The following RGS16 variants were observed in gnomAD, a reference collection of about 807,000 sequenced individuals.
RGS16 encodes regulator of G protein signaling 16.
RGS16 carries 12 observed loss-of-function variants against 18.1 expected under a neutral mutation model. The observed-to-expected ratio is 0.66, with a 90% CI of 0.42 to 1.07. The LOEUF is 1.07. Ranked by LOEUF, RGS16 falls within the 50% of genes least tolerant of loss-of-function variation. The probability of loss-of-function intolerance (pLI) is 0.00; values close to 1 mark genes in which losing one functional copy is unlikely to be tolerated. For synonymous variants in RGS16, 88 were observed against 102.0 expected, an observed-to-expected ratio of 0.86 and a Z score of 0.83; for missense variants, 238 against 249.2, an observed-to-expected ratio of 0.95 and a Z score of 0.30.
chr1:182,602,982 T>G (rs1349853633), intron 2 of RGS16, among the ~76,000 whole-genome samples: 2 of 152,342 alleles, frequency 1.3e-5, no homozygotes, highest in East Asian at 1.9e-4. Flanking sequence ...TGGGAGAGTC[T>G]GGGAACTAGG....
Position 182,598,891 on chromosome 1 carries a change from A to G in RGS16, c.*1401T>C, listed in dbSNP as rs1013899321. 1 of 152,666 alleles carries G rather than the reference A, an allele frequency of 6.6e-6. No homozygotes were observed. Among genetic ancestry groups the G allele is most frequent in the Non-Finnish European group, 1.5e-5 (1 of 68,060 alleles). 9.5% of individuals were successfully genotyped at this position (152,666 alleles called of 1,614,324 possible). On this transcript the variant is annotated 3_prime_UTR_variant, in exon 5 of 5. Transcript: ENST00000367558. ...TGAAATTACAATAATAAATAACAAC[A>G]GCACCAACAATAACAAAAACAATGT...
rs61731098 is a variant in RGS16, at chr1:182,600,310, G to T, written c.591C>A (p.Asp197Glu). The change falls in exon 5 of 5, where the codon GAC becomes GAA. Residue 197 changes from aspartate to glutamate, a missense_variant. By Grantham distance (45) the Asp-to-Glu change is conservative. Coordinates refer to ENST00000367558, the MANE Select transcript of RGS16 (RefSeq NM_002928.4). ...ASATLSSCSL[D>E]EPSHT ...TGGAGACTCAGGTGTGTGAGGGCTC[G>T]TCCAGGCTGCAGCTGGACAGAGTGG... 6.2e-6 allele frequency: 10 copies of T among 1,613,756 alleles called. No individual in the cohort carries two copies. Among genetic ancestry groups the T allele is most frequent in the Non-Finnish European group, 7.6e-6 (9 of 1,179,990 alleles).
chr1:182,603,287 C>G lies in RGS16; in HGVS notation c.97G>C (p.Gly33Arg). 1.2e-6 allele frequency: 2 copies of G among 1,614,156 alleles called. No individual in the cohort carries two copies. Among genetic ancestry groups the G allele is most frequent in the African/African-American group, 1.3e-5 (1 of 75,046 alleles). ...LGIFLHKSELGCDTGSTGKFE... is the reference protein window; with the variant it reads ...LGIFLHKSELRCDTGSTGKFE... ...TTGCCAGTACTCCCAGTATCGCAGC[C>G]CAGCTCTGATTTGTGAAGAAAGATC... Residue 33 changes from glycine (G) to arginine (R), a missense_variant, in exon 2 of 5, where the codon GGC becomes CGC. By Grantham distance (125) the Gly-to-Arg change is moderately radical (BLOSUM62 -2). Transcript: ENST00000367558.
At chr1:182,603,549 G>C (rs1035972580) in intron 1 of RGS16, among the ~76,000 whole-genome samples, 1 of 152,152 alleles carries the variant, frequency 6.6e-6, no homozygotes, top group African/African-American at 2.4e-5. Flanking sequence ...GAGCTATGCT[G>C]TGGTAGGTCT....
At chr1:182,603,389 G>A (rs1661899686) in intron 1 of RGS16, 50 bp from the exon 2 acceptor site, 1 of 1,488,286 alleles carries the variant, frequency 6.7e-7, no homozygotes, top group Non-Finnish European at 9.4e-7. Context: ...TGCTCAGCCA[G>A]TGTGGAGAGG....
chr1:182,602,330 G>T, intron 3 of RGS16, 90 bp downstream of exon 3: 1 of 1,189,678 alleles, frequency 8.4e-7, no homozygotes, highest in Non-Finnish European at 1.2e-6. Flanking sequence ...CTATTATTCT[G>T]CCCAGGCTCT....
chr1:182,602,533 C>T lies in RGS16; in HGVS notation c.156-49G>A, dbSNP rs762706076. 4.8e-6 allele frequency: 7 copies of T among 1,454,462 alleles called. No individual in the cohort carries two copies. The South Asian group carries it at 7.1e-5, about 15-fold the overall frequency. 90.1% of individuals were successfully genotyped at this position (1,454,462 alleles called of 1,614,324 possible). On this transcript the variant is annotated intron_variant, in intron 2 of 4. Transcript: ENST00000367558. ...AGAGTAAGAAAAAAAATCAACAAAC[C>T]AAAGCATAGTACAAATTCTAGCCAG... is the stretch of plus-strand genomic sequence containing the variant.
chr1:182,602,586 C>A, intron 2 of RGS16, 102 bp from the exon 3 acceptor site: 1 of 958,026 alleles, frequency 1.0e-6, no homozygotes, highest in Non-Finnish European at 1.6e-6. Context: ...GCATAAAATT[C>A]ACAGAAAGGC....
intron 4 of RGS16, among the ~76,000 whole-genome samples, chr1:182,601,279 C>G (rs566950609): frequency 6.6e-6 from 1 of 152,178 alleles, no homozygotes; most frequent in Non-Finnish European, 1.5e-5. Flanking sequence ...CATAGCTCAT[C>G]ACCTGGCATA....
At chr1:182,602,669 A>C (rs1224806187) in intron 2 of RGS16, among the ~76,000 whole-genome samples, 185 bp from the exon 3 acceptor site, 1 of 152,178 alleles carries the variant, frequency 6.6e-6, no homozygotes, top group Non-Finnish European at 1.5e-5. Flanking sequence ...TGCTTTCTAG[A>C]GCACAATTCA....
chr1:182,599,968 T>G lies in RGS16; in HGVS notation c.*324A>C. The G allele has an allele frequency of 2.6e-6, 1 of 382,454 alleles. No individual in the cohort carries two copies. Among genetic ancestry groups the G allele is most frequent in the Non-Finnish European group, 4.8e-6 (1 of 208,436 alleles). The allele number at this position is 382,454 out of a possible 1,614,324, so 23.7% of individuals were successfully genotyped here. On this transcript the variant is annotated 3_prime_UTR_variant, in exon 5 of 5. Coordinates refer to ENST00000367558, the MANE Select transcript of RGS16 (RefSeq NM_002928.4). ...TGTTTCCTAAACCACACTAGAACAC[T>G]TCCTTCTCCGGTGAGAACGAGAGCC...
chr1:182,603,397 A>G, intron 1 of RGS16, 58 bp from the exon 2 acceptor site: 1 of 1,430,820 alleles, frequency 7.0e-7, no homozygotes, highest in Non-Finnish European at 9.9e-7. Context: ...CAGTGTGGAG[A>G]GGTTTATGGG....
rs1571280396 is a variant in RGS16 at position 182,604,361 on chromosome 1, A to G, written c.-102T>C. 9 of 1,244,384 alleles carry G rather than the reference A, an allele frequency of 7.2e-6. No homozygotes were observed. Among genetic ancestry groups the G allele is most frequent in the East Asian group, 5.4e-5 (2 of 36,894 alleles). The allele number at this position is 1,244,384 out of a possible 1,614,324, so 77.1% of individuals were successfully genotyped here. The stretch of plus-strand genomic sequence containing the variant: ...AAGGCGCGGTAGCAGGTGCTAGTCA[A>G]CTGCGGTTGGGTTTAGCAGCCTGCA... On this transcript the variant is annotated 5_prime_UTR_variant, in exon 1 of 5. Transcript: ENST00000367558.
chr1:182,602,125 C>A lies in RGS16; in HGVS notation c.228G>T (p.Val76=), dbSNP rs1356489900. Residue 76 remains valine (V), a synonymous_variant, in exon 4 of 5, where the codon GTG becomes GTT. Coordinates refer to ENST00000367558, the MANE Select transcript of RGS16 (RefSeq NM_002928.4). ...TCTTCAGGAAAGCGTGGAAGGCAGC[C>A]ACTCCATCTGGGGTTGCGGGAAAGA... ...FDLLLSSKNG[V]AAFHAFLKTE... 6.2e-6 allele frequency: 10 copies of A among 1,614,004 alleles called. No individual in the cohort carries two copies. Among genetic ancestry groups the A allele is most frequent in the Non-Finnish European group, 8.5e-6 (10 of 1,180,038 alleles).
At position 182,599,504 on chromosome 1, in the gene RGS16, G is replaced by A. The variant is rs1364498676; in HGVS notation, c.*788C>T. Reference sequence around the variant, plus strand: ...CACATCCAGGAAGAGGCCCCAGGGCGGGCCTGCTCACAGGTGGACCCTGCT... The same window carrying A: ...CACATCCAGGAAGAGGCCCCAGGGCAGGCCTGCTCACAGGTGGACCCTGCT... On this transcript the variant is annotated 3_prime_UTR_variant, in exon 5 of 5. Coordinates refer to ENST00000367558, the MANE Select transcript of RGS16 (RefSeq NM_002928.4). 5 of 152,732 alleles carry A rather than the reference G, an allele frequency of 3.3e-5. No homozygotes were observed. The highest frequency in any genetic ancestry group is 4.1e-4 in the South Asian group (2 of 4,836). 9.5% of individuals were successfully genotyped at this position (152,732 alleles called of 1,614,324 possible).
chr1:182,600,851 A>AC (rs139690673), intron 4 of RGS16, among the ~76,000 whole-genome samples: 7 of 151,476 alleles, frequency 4.6e-5, no homozygotes, highest in African/African-American at 1.2e-4. Context: ...CTGCTACCTT[A>AC]CCCCCCACCC....
At chr1:182,602,563 C>T (rs1661884780) in intron 2 of RGS16, 79 bp from the exon 3 acceptor site, 1 of 1,183,674 alleles carries the variant, frequency 8.4e-7, no homozygotes, top group South Asian at 1.4e-5. Context: ...AGCCAGAACT[C>T]TGATGGAAAA....
intron 4 of RGS16, 73 bp from the exon 5 acceptor site, chr1:182,600,586 G>C (rs1661847697): frequency 1.6e-6 from 2 of 1,258,634 alleles, no homozygotes; most frequent in Non-Finnish European, 2.3e-6. Flanking sequence ...GCCAACGGCA[G>C]GCTGGGCATT....
In RGS16 at chr1:182,604,328, A is replaced by G. The variant is rs1416265352; in HGVS notation, c.-69T>C. ...GGCTCCAGGAGGCTCCGCGTGCGCCAGGAAGCAAAGGCGCGGTAGCAGGTG... is the reference window on the plus strand; with the variant it reads ...GGCTCCAGGAGGCTCCGCGTGCGCCGGGAAGCAAAGGCGCGGTAGCAGGTG... On this transcript the variant is annotated 5_prime_UTR_variant, in exon 1 of 5. Coordinates refer to ENST00000367558, the MANE Select transcript of RGS16 (RefSeq NM_002928.4). 2.7e-6 allele frequency: 4 copies of G among 1,464,660 alleles called. No homozygotes were observed. In the African/African-American group the frequency reaches 4.2e-5, roughly 16 times the overall value. The allele number at this position is 1,464,660 out of a possible 1,614,324, so 90.7% of individuals were successfully genotyped here.
Sources: gnomAD v4.1 joint callset for allele counts (sites outside exome capture counted in the v4.1 genomes callset) on GRCh38, gnomAD v4.1.1 for gene constraint, MANE v1.5 for transcripts, NCBI Gene and HGNC (gene_info 2026-07-23, HGNC 2026-07-21) for gene names.